Variants in GFOD1 observed in about 807,000 individuals in gnomAD.
GFOD1 encodes Gfo/Idh/MocA-like oxidoreductase domain containing 1.
In GFOD1, 9 loss-of-function variants were observed where a neutral mutation model predicts 25.4. The ratio of observed to expected loss-of-function variants is 0.35; its 90% confidence interval spans 0.21 to 0.62. The LOEUF (loss-of-function observed/expected upper bound fraction) is 0.62, where lower values mean the gene tolerates loss of function less well. Among genes scored for constraint, GFOD1 ranks in the 20% least tolerant of loss-of-function variants. The pLI is 0.72. For missense variants in GFOD1, 403 were observed against 556.9 expected, an observed-to-expected ratio of 0.72 and a Z score of 2.78; for synonymous variants, 253 against 245.6, an observed-to-expected ratio of 1.03 and a Z score of -0.28.
chr6:13,441,211 G>A (rs1416869778), intron 1 of GFOD1, among the ~76,000 whole-genome samples: 3 of 152,162 alleles, frequency 2.0e-5, no homozygotes, highest in South Asian at 4.1e-4. Context: ...AGCTCTGAAG[G>A]TGCATGAGGG....
chr6:13,455,223 G>A (rs898525610), intron 1 of GFOD1, among the ~76,000 whole-genome samples: 2 of 152,110 alleles, frequency 1.3e-5, no homozygotes, highest in African/African-American at 2.4e-5. Context: ...AGAGAGGTGC[G>A]GGGTGGGTCA....
At chr6:13,421,440 G>C (rs1305785320) in intron 1 of GFOD1, among the ~76,000 whole-genome samples, 2 of 152,150 alleles carry the variant, frequency 1.3e-5, no homozygotes, top group Non-Finnish European at 2.9e-5. Flanking sequence ...GCTGCAGTGA[G>C]CTGTGATCAC....
chr6:13,398,200 A>G (rs1274670515), intron 1 of GFOD1, among the ~76,000 whole-genome samples: 2 of 152,228 alleles, frequency 1.3e-5, no homozygotes, highest in African/African-American at 4.8e-5. Flanking sequence ...CTATTACCTC[A>G]TAGGGCTGTT....
intron 1 of GFOD1, among the ~76,000 whole-genome samples, chr6:13,369,611 A>G (rs1235438587): frequency 1.3e-5 from 2 of 152,164 alleles, no homozygotes; most frequent in Admixed American, 6.5e-5. Flanking sequence ...GCAGTGAGCT[A>G]TGACTGTGTC....
intron 1 of GFOD1, among the ~76,000 whole-genome samples, chr6:13,480,375 A>C (rs1404183609): frequency 1.3e-5 from 2 of 152,228 alleles, no homozygotes; most frequent in Non-Finnish European, 2.9e-5. Context: ...TTCCCCTGCC[A>C]GGTTAATTAC....
rs1181869017 is a variant in GFOD1 at position 13,430,894 on chromosome 6, C to A, written c.253+55744G>T. Among the ~76,000 whole-genome samples, 1 of 152,196 alleles carries A rather than the reference C, an allele frequency of 6.6e-6. No homozygotes were observed. The highest frequency in any genetic ancestry group is 2.4e-5 in the African/African-American group (1 of 41,432). On this transcript the variant is annotated intron_variant, in intron 1 of 1. Coordinates refer to ENST00000379287, the MANE Select transcript of GFOD1 (RefSeq NM_018988.4). The surrounding 1 kb of genome is among the most constrained non-coding windows in gnomAD (Gnocchi z 4.1). ...ACTCCATCTCCAACTTTTCAGGTAA[C>A]CTTCTCCTGCCCTCTCTACAGTCCA... is the stretch of plus-strand genomic sequence containing the variant.
intron 1 of GFOD1, among the ~76,000 whole-genome samples, chr6:13,381,470 T>G (rs1443954581): frequency 6.6e-6 from 1 of 152,060 alleles, no homozygotes; most frequent in Non-Finnish European, 1.5e-5. Context: ...GAGAAAAGGG[T>G]CCCAGCGGAG....
At position 13,364,710 on chromosome 6, in the gene GFOD1, G is replaced by T. The variant is rs1286489378; in HGVS notation, c.*33C>A. On this transcript the variant is annotated 3_prime_UTR_variant, in exon 2 of 2. Transcript: ENST00000379287. This position sits in a 1 kb window ranked among gnomAD's most constrained non-coding sequence, Gnocchi z 4.1. ...TCCCTCTCTGTGGACATCCCCTGCA[G>T]AAGGCTCAAGTCCCCGAGGTTCTCA... 2 of 1,564,698 alleles carry T rather than the reference G, an allele frequency of 1.3e-6. No individual in the cohort carries two copies. Among genetic ancestry groups the T allele is most frequent in the African/African-American group, 2.7e-5 (2 of 74,196 alleles).
intron 1 of GFOD1, among the ~76,000 whole-genome samples, chr6:13,373,741 AACACAC>A (rs10530031): frequency 6.9e-4 from 89 of 129,598 alleles, no homozygotes; most frequent in Non-Finnish European, 1.0e-3. Flanking sequence ...CTGCTCCCCC[AACACAC>A]ACACACACAC....
intron 1 of GFOD1, among the ~76,000 whole-genome samples, chr6:13,385,244 C>T (rs1431349296): frequency 3.9e-5 from 6 of 152,144 alleles, no homozygotes; most frequent in South Asian, 2.1e-4. Context: ...GCCAGCCTTC[C>T]GTGTAGGTAT....
At chr6:13,376,951 A>C (rs1785267835) in intron 1 of GFOD1, among the ~76,000 whole-genome samples, 1 of 152,198 alleles carries the variant, frequency 6.6e-6, no homozygotes, top group Non-Finnish European at 1.5e-5. Flanking sequence ...TAAATGTAGG[A>C]AATTCTCTAT....
At chr6:13,381,198 G>C (rs1219165128) in intron 1 of GFOD1, among the ~76,000 whole-genome samples, 5 of 152,238 alleles carry the variant, frequency 3.3e-5, no homozygotes, top group Non-Finnish European at 5.9e-5. Flanking sequence ...AAATAATGCA[G>C]ACTGTTTTTG....
At chr6:13,368,577 T>C (rs751426109) in intron 1 of GFOD1, among the ~76,000 whole-genome samples, 2 of 152,160 alleles carry the variant, frequency 1.3e-5, no homozygotes, top group African/African-American at 2.4e-5. Flanking sequence ...CTCACACCCA[T>C]TGGGTGTAGG....
chr6:13,385,705 T>G (rs545749727), intron 1 of GFOD1, among the ~76,000 whole-genome samples: 14 of 152,322 alleles, frequency 9.2e-5, no homozygotes, highest in Admixed American at 7.8e-4. Context: ...AATGTAAGTA[T>G]TTATTTAAAT....
intron 1 of GFOD1, among the ~76,000 whole-genome samples, chr6:13,369,752 G>A (rs1785113297): frequency 6.6e-6 from 1 of 152,152 alleles, no homozygotes; most frequent in South Asian, 2.1e-4. Flanking sequence ...AGAATATTGT[G>A]CAACCATAGA....
Position 13,377,034 on chromosome 6 carries a change from T to A in GFOD1, c.254-11372A>T, listed in dbSNP as rs571062524. Among the ~76,000 whole-genome samples, 388 of 151,190 alleles carry A rather than the reference T, an allele frequency of 2.6e-3. 4 individuals carry two copies. The highest frequency in any genetic ancestry group is 0.017 in the East Asian group (86 of 5,176). On this transcript the variant is annotated intron_variant, in intron 1 of 1. Coordinates refer to ENST00000379287, the MANE Select transcript of GFOD1 (RefSeq NM_018988.4). ...AGCAGATATGTTTTTTTTTTTTTTT[T>A]AAAAGCCAATATATTTCACACAGTC... is the stretch of plus-strand genomic sequence containing the variant.
chr6:13,438,635 A>G (rs185293667), intron 1 of GFOD1, among the ~76,000 whole-genome samples: 3 of 152,192 alleles, frequency 2.0e-5, no homozygotes, highest in Non-Finnish European at 4.4e-5. Context: ...TATTATTTAT[A>G]TCATCTCTAA....
At chr6:13,395,452 A>G (rs1050428751) in intron 1 of GFOD1, among the ~76,000 whole-genome samples, 1 of 152,150 alleles carries the variant, frequency 6.6e-6, no homozygotes, top group Admixed American at 6.5e-5. Flanking sequence ...CTTTCTTGCA[A>G]TACAATAGAG....
intron 1 of GFOD1, among the ~76,000 whole-genome samples, chr6:13,466,812 G>A (rs1584668588): frequency 1.3e-5 from 2 of 152,304 alleles, no homozygotes; most frequent in Non-Finnish European, 1.5e-5. Flanking sequence ...TTGCTAGCTT[G>A]ACAGTTGGTA....
Sources: gnomAD v4.1 joint callset for allele counts (sites outside exome capture counted in the v4.1 genomes callset) on GRCh38, gnomAD v4.1.1 for gene constraint, Gnocchi (gnomAD v3.1) non-coding constraint, MANE v1.5 for transcripts, NCBI Gene and HGNC (gene_info 2026-07-23, HGNC 2026-07-21) for gene names.